BCL11B: variants seen among roughly 807,000 people sequenced by gnomAD.
The protein encoded by BCL11B is B-cell lymphoma/leukemia 11B.
BCL11B carries 8 observed loss-of-function variants against 49.9 expected under a neutral mutation model. The observed-to-expected ratio is 0.16, with a 90% CI of 0.09 to 0.29. The LOEUF (loss-of-function observed/expected upper bound fraction) is 0.29, where lower values mean the gene tolerates loss of function less well. BCL11B is among the 10% of genes least tolerant of loss of function. The pLI is 1.00. For synonymous variants in BCL11B, 739 were observed against 637.4 expected, an observed-to-expected ratio of 1.16 and a Z score of -2.40; for missense variants, 1,006 against 1,351.0, an observed-to-expected ratio of 0.74 and a Z score of 4.00.
At position 99,241,807 on chromosome 14, in the gene BCL11B, C is replaced by T. The variant is rs1888679368; in HGVS notation, c.428-10250G>A. Among the ~76,000 whole-genome samples the T allele has an allele frequency of 6.6e-6, 1 of 152,086 alleles. No individual in the cohort carries two copies. Among genetic ancestry groups the T allele is most frequent in the Non-Finnish European group, 1.5e-5 (1 of 68,028 alleles). On this transcript the variant is annotated intron_variant, in intron 2 of 3. Coordinates refer to ENST00000357195, the MANE Select transcript of BCL11B (RefSeq NM_138576.4). The surrounding 1 kb of genome is among the most constrained non-coding windows in gnomAD (Gnocchi z 4.4). ...CAAAATCCAGCAGCTTCCTTGGCAG[C>T]GAGAAAGGCTGGCTGGCATTATCCC...
intron 3 of BCL11B, among the ~76,000 whole-genome samples, chr14:99,178,463 G>A (rs574637628): frequency 3.9e-5 from 6 of 152,212 alleles, no homozygotes; most frequent in Admixed American, 6.5e-5. Flanking sequence ...CTGGGTGGCC[G>A]CGATTCTCCC....
At position 99,257,163 on chromosome 14, in the gene BCL11B, G is replaced by A. The variant is rs1380568582; in HGVS notation, c.427+308C>T. Among the ~76,000 whole-genome samples the A allele has an allele frequency of 2.0e-5, 3 of 152,190 alleles. No individual in the cohort carries two copies. Among genetic ancestry groups the A allele is most frequent in the Non-Finnish European group, 1.5e-5 (1 of 68,038 alleles). ...GGACTAAGCCAAGATCAGTAGCAAA[G>A]AGAGGGCCAACCAGACTTCCAAATT... On this transcript the variant is annotated intron_variant, in intron 2 of 3. Coordinates refer to ENST00000357195, the MANE Select transcript of BCL11B (RefSeq NM_138576.4). This position sits in a 1 kb window ranked among gnomAD's most constrained non-coding sequence, Gnocchi z 6.2.
intron 3 of BCL11B, among the ~76,000 whole-genome samples, chr14:99,211,719 C>A (rs1177312466): frequency 6.6e-6 from 1 of 152,186 alleles, no homozygotes; most frequent in African/African-American, 2.4e-5. Flanking sequence ...GTGACTCTGA[C>A]CTGCTGGTGC....
intron 3 of BCL11B, among the ~76,000 whole-genome samples, chr14:99,215,720 C>A (rs1887814398): frequency 6.6e-6 from 1 of 152,142 alleles, no homozygotes; most frequent in African/African-American, 2.4e-5. Flanking sequence ...TTGCTTTCAG[C>A]CAATCCCTTC....
At chr14:99,255,425 A>C (rs938699196) in intron 2 of BCL11B, among the ~76,000 whole-genome samples, 22 of 149,720 alleles carry the variant, frequency 1.5e-4, no homozygotes, top group East Asian at 7.7e-4. Context: ...AAAAAAAAAA[A>C]AAAAAAAAAA....
chr14:99,210,709 G>A (rs1330513707), intron 3 of BCL11B, among the ~76,000 whole-genome samples: 6 of 152,148 alleles, frequency 3.9e-5, no homozygotes, highest in Non-Finnish European at 4.4e-5. Flanking sequence ...TTCCCACTGG[G>A]GAATAAGGAT....
intron 3 of BCL11B, among the ~76,000 whole-genome samples, chr14:99,197,598 G>A (rs1013212588): frequency 6.6e-6 from 1 of 152,118 alleles, no homozygotes; most frequent in Non-Finnish European, 1.5e-5. Flanking sequence ...GTGGGGAGGA[G>A]GATTCGCCTC....
intron 1 of BCL11B, chr14:99,263,241 G>A (rs981562167): frequency 2.0e-5 from 3 of 153,150 alleles, no homozygotes; most frequent in African/African-American, 7.2e-5. Context: ...ACCCTCCAAA[G>A]GCTGCCTCCC....
At chr14:99,204,001 T>G (rs528913360) in intron 3 of BCL11B, among the ~76,000 whole-genome samples, 1 of 152,254 alleles carries the variant, frequency 6.6e-6, no homozygotes, top group African/African-American at 2.4e-5. Flanking sequence ...CCCTTGCAGA[T>G]GGAAGGACTT....
At chr14:99,270,772 C>T (rs1889648941) in intron 1 of BCL11B, among the ~76,000 whole-genome samples, 2 of 145,684 alleles carry the variant, frequency 1.4e-5, no homozygotes, top group Admixed American at 6.8e-5. Flanking sequence ...TCCGCTCCCC[C>T]AGCCCCCTCC....
intron 3 of BCL11B, among the ~76,000 whole-genome samples, chr14:99,189,084 C>G (rs561015898): frequency 6.6e-5 from 10 of 152,256 alleles, no homozygotes; most frequent in Non-Finnish European, 1.5e-4. Flanking sequence ...AAATAAAGTA[C>G]TCAGCCTAAG....
At chr14:99,204,420 A>G (rs1338366736) in intron 3 of BCL11B, among the ~76,000 whole-genome samples, 1 of 152,184 alleles carries the variant, frequency 6.6e-6, no homozygotes, top group African/African-American at 2.4e-5. Context: ...GCAGTGGCCA[A>G]AGGCATTTTC....
intron 1 of BCL11B, among the ~76,000 whole-genome samples, chr14:99,258,099 C>G (rs1889227374): frequency 6.6e-6 from 1 of 152,336 alleles, no homozygotes; most frequent in South Asian, 2.1e-4. Flanking sequence ...TTACTGCATT[C>G]TAGTTTATTT....
At position 99,175,825 on chromosome 14, in the gene BCL11B, G is replaced by A. The variant is rs535040572; in HGVS notation, c.1011C>T (p.Leu337=). The change falls in exon 4 of 4, where the codon CTC becomes CTT. Residue 337 remains leucine (L), a synonymous_variant. Transcript: ENST00000357195. Reference sequence around the variant, plus strand: ...CGAAGGCACTGGGGTGCTGGGCGACGAGCCCCATCTCCTCGGCACTGAGGC... The same window carrying A: ...CGAAGGCACTGGGGTGCTGGGCGACAAGCCCCATCTCCTCGGCACTGAGGC... ...PHRLSAEEMG[L]VAQHPSAFDR... The A allele has an allele frequency of 7.6e-5, 112 of 1,474,864 alleles. 1 individual carries two copies. The highest frequency in any genetic ancestry group is 7.0e-4 in the Admixed American group (27 of 38,674). The allele number at this position is 1,474,864 out of a possible 1,614,324, so 91.4% of individuals were successfully genotyped here.
At chr14:99,212,683 T>C (rs1887722073) in intron 3 of BCL11B, among the ~76,000 whole-genome samples, 1 of 152,042 alleles carries the variant, frequency 6.6e-6, no homozygotes, top group Admixed American at 6.5e-5. Flanking sequence ...CAGCAGAGAC[T>C]TCCCAGAGAA....
In BCL11B at chr14:99,228,196, G is replaced by A. The variant is rs1445559028; in HGVS notation, c.640+3149C>T. 1.2e-4 allele frequency among the ~76,000 whole-genome samples: 18 copies of A among 152,220 alleles called. No homozygotes were observed. Among genetic ancestry groups the A allele is most frequent in the Admixed American group, 9.8e-4 (15 of 15,286 alleles). ...AAAGGGACAAAACCAGGTAAGGACAGCAGGCCCATTCCATCTTTACAAAGG... is the reference window on the plus strand; with the variant it reads ...AAAGGGACAAAACCAGGTAAGGACAACAGGCCCATTCCATCTTTACAAAGG... On this transcript the variant is annotated intron_variant, in intron 3 of 3. Transcript: ENST00000357195. This position sits in a 1 kb window ranked among gnomAD's most constrained non-coding sequence, Gnocchi z 4.8.
At chr14:99,251,570 G>A (rs1983473) in intron 2 of BCL11B, among the ~76,000 whole-genome samples, 150,610 of 152,326 alleles carry the variant, frequency 0.99, 74,505 homozygotes, top group Non-Finnish European at 1. Flanking sequence ...ATAATCATAT[G>A]TATGGGAAAA....
intron 1 of BCL11B, among the ~76,000 whole-genome samples, chr14:99,270,597 G>A (rs1889638996): frequency 6.6e-6 from 1 of 151,942 alleles, no homozygotes; most frequent in Non-Finnish European, 1.5e-5. Flanking sequence ...GGCGCGGCCG[G>A]CACCCTGCTG....
chr14:99,248,076 G>A lies in BCL11B; in HGVS notation c.427+9395C>T, dbSNP rs916284155. ...GTTACTATTTTTCCGCCCAGAGGAG[G>A]CTGTGGTCCCAGTTTCCCAGCTGTC... On this transcript the variant is annotated intron_variant, in intron 2 of 3. Coordinates refer to ENST00000357195, the MANE Select transcript of BCL11B (RefSeq NM_138576.4). The surrounding 1 kb of genome is among the most constrained non-coding windows in gnomAD (Gnocchi z 4.7). 5.9e-5 allele frequency among the ~76,000 whole-genome samples: 9 copies of A among 152,120 alleles called. No homozygotes were observed. Among genetic ancestry groups the A allele is most frequent in the African/African-American group, 1.9e-4 (8 of 41,422 alleles).
Sources: allele counts gnomAD v4.1 joint callset (sites outside exome capture counted in the v4.1 genomes callset), GRCh38; gene constraint gnomAD v4.1.1; non-coding constraint Gnocchi (gnomAD v3.1); transcripts MANE v1.5; gene names NCBI Gene and HGNC (gene_info 2026-07-23, HGNC 2026-07-21).